Variants in CEPT1 observed in about 807,000 individuals in gnomAD.
The protein encoded by CEPT1 is choline/ethanolamine phosphotransferase 1.
In CEPT1, 7 loss-of-function variants were observed where a neutral mutation model predicts 42.6. That is an observed-to-expected ratio of 0.16 (90% CI 0.09 to 0.31). The LOEUF (loss-of-function observed/expected upper bound fraction) is 0.31. Ranked by LOEUF, CEPT1 falls within the 10% of genes least tolerant of loss-of-function variation. The pLI, the probability that CEPT1 is intolerant of heterozygous loss-of-function variation, is 1.00. For missense variants in CEPT1, 306 were observed against 502.1 expected, an observed-to-expected ratio of 0.61 and a Z score of 3.73; for synonymous variants, 171 against 171.9, an observed-to-expected ratio of 0.99 and a Z score of 0.04.
At chr1:111,182,120 ATAT>A in intron 5 of CEPT1, 64 bp from the exon 6 acceptor site, 1 of 1,302,960 alleles carries the variant, frequency 7.7e-7, no homozygotes, top group Non-Finnish European at 1.1e-6. Context: ...TATGAATCAA[ATAT>A]TAGACTGTTT....
At position 111,166,598 on chromosome 1, in the gene CEPT1, A is replaced by C. The variant is rs543025195; in HGVS notation, c.629+5302A>C. Among the ~76,000 whole-genome samples, 10 of 152,330 alleles carry C rather than the reference A, an allele frequency of 6.6e-5. No individual in the cohort carries two copies. In the East Asian group the frequency reaches 1.9e-3, roughly 29 times the overall value. ...ATTCTTTCCCACTTACCCTTTCCACATATATGCTAGTTTTTTTGAGATAGC... is the reference window on the plus strand; with the variant it reads ...ATTCTTTCCCACTTACCCTTTCCACCTATATGCTAGTTTTTTTGAGATAGC... On this transcript the variant is annotated intron_variant, in intron 4 of 8. Coordinates refer to ENST00000357172, the MANE Select transcript of CEPT1 (RefSeq NM_006090.5).
intron 2 of CEPT1, among the ~76,000 whole-genome samples, chr1:111,155,321 A>G (rs552219814): frequency 2.8e-4 from 42 of 151,890 alleles, no homozygotes; most frequent in Non-Finnish European, 2.1e-4. Context: ...TATCAGTTGT[A>G]ATGCCTCTTT....
intron 2 of CEPT1, among the ~76,000 whole-genome samples, chr1:111,149,177 G>T (rs1472734126): frequency 4.6e-5 from 7 of 151,298 alleles, no homozygotes; most frequent in African/African-American, 1.7e-4. Flanking sequence ...TATTTTCCAG[G>T]TTTTCATTTC....
chr1:111,169,505 C>T lies in CEPT1; in HGVS notation c.630-5374C>T, dbSNP rs1656312734. On this transcript the variant is annotated intron_variant, in intron 4 of 8. Coordinates refer to ENST00000357172, the MANE Select transcript of CEPT1 (RefSeq NM_006090.5). ...AACAAAGTACCCTATATTTATAGAG[C>T]CCTTTCTATTAAAATGTTTCTAAAA... Among the ~76,000 whole-genome samples the T allele has an allele frequency of 2.0e-5, 3 of 152,194 alleles. No homozygotes were observed. The South Asian group carries it at 6.2e-4, about 32-fold the overall frequency.
At chr1:111,180,402 C>G (rs1656912355) in intron 5 of CEPT1, 1 of 152,154 alleles carries the variant, frequency 6.6e-6, no homozygotes, top group Non-Finnish European at 1.5e-5. Flanking sequence ...GTTTATTGAA[C>G]AAGAGCAGAA....
chr1:111,153,748 T>G (rs1345627434), intron 2 of CEPT1, among the ~76,000 whole-genome samples: 1 of 152,196 alleles, frequency 6.6e-6, no homozygotes, highest in East Asian at 1.9e-4. Context: ...TCCTGGCATC[T>G]TTGTCAAAAA....
chr1:111,175,996 T>A (rs1656659183), intron 5 of CEPT1, among the ~76,000 whole-genome samples: 1 of 152,244 alleles, frequency 6.6e-6, no homozygotes, highest in Non-Finnish European at 1.5e-5. Flanking sequence ...TTCCCTTACC[T>A]AACTCACTTT....
At chr1:111,160,327 A>C (rs574658772) in intron 3 of CEPT1, 1 of 152,084 alleles carries the variant, frequency 6.6e-6, no homozygotes, top group African/African-American at 2.4e-5. Context: ...CCCCTCTTTT[A>C]TTTTTGTTTT....
At chr1:111,181,607 G>GTGAATGCCTTCTTAATTGCCT (rs1396930373) in intron 5 of CEPT1, 2 of 152,162 alleles carry the variant, frequency 1.3e-5, no homozygotes, top group African/African-American at 4.8e-5. Context: ...CTTCTGCATT[G>GTGAATGCCTTCTTAATTGCCT]TGAATGCCTT....
At chr1:111,157,480 T>C (rs1349810072) in intron 2 of CEPT1, among the ~76,000 whole-genome samples, 1 of 152,212 alleles carries the variant, frequency 6.6e-6, no homozygotes, top group Non-Finnish European at 1.5e-5. Flanking sequence ...TTTTATTTAA[T>C]ATTAATTAAT....
chr1:111,149,435 G>A (rs1655152475), intron 2 of CEPT1, among the ~76,000 whole-genome samples: 1 of 151,996 alleles, frequency 6.6e-6, no homozygotes, highest in African/African-American at 2.4e-5. Context: ...GCTAATTTTT[G>A]TATTTGTAGT....
chr1:111,142,746 T>G (rs1405848640), intron 1 of CEPT1, among the ~76,000 whole-genome samples: 1 of 152,226 alleles, frequency 6.6e-6, no homozygotes, highest in Non-Finnish European at 1.5e-5. Context: ...CAAGACAGGC[T>G]TGGCCCATGC....
At position 111,182,236 on chromosome 1, in the gene CEPT1, T is replaced by C; in HGVS notation, c.764T>C (p.Val255Ala). The change falls in exon 6 of 9, where the codon GTA (valine) becomes GCA (alanine). Residue 255 changes from valine (V) to alanine (A), a missense_variant. Physicochemically the swap from Val to Ala is moderately conservative, Grantham distance 64. Coordinates refer to ENST00000357172, the MANE Select transcript of CEPT1 (RefSeq NM_006090.5). ...AAAATTTTTCCTGCACTTTGTACTG[T>C]AGCAGGGACCATATTTTCCTGTACA... ...QMKIFPALCT[V>A]AGTIFSCTNY... The C allele has an allele frequency of 1.2e-6, 2 of 1,612,342 alleles. No homozygotes were observed. The highest frequency in any genetic ancestry group is 8.5e-7 in the Non-Finnish European group (1 of 1,178,702).
chr1:111,182,766 A>AAT, intron 6 of CEPT1, 33 bp from the exon 7 acceptor site: 1 of 1,579,180 alleles, frequency 6.3e-7, no homozygotes, highest in Non-Finnish European at 8.6e-7. Flanking sequence ...ATGAGTACTG[A>AAT]ATACTATTAA....
intron 2 of CEPT1, 108 bp downstream of exon 2, chr1:111,148,161 T>G: frequency 1.3e-6 from 1 of 789,926 alleles, no homozygotes; most frequent in Non-Finnish European, 2.1e-6. Context: ...AGCTGTCAAC[T>G]ATTTTAAAAT....
chr1:111,184,540 T>A lies in CEPT1; in HGVS notation c.*230T>A. ...ATGCAGGGTTTGGGCCAAGAAAGCA[T>A]GCAGAAAAAAATGCCATGTGATTGT... On this transcript the variant is annotated 3_prime_UTR_variant, in exon 9 of 9. Coordinates refer to ENST00000357172, the MANE Select transcript of CEPT1 (RefSeq NM_006090.5). 1 of 341,328 alleles carries A rather than the reference T, an allele frequency of 2.9e-6. No homozygotes were observed. Among genetic ancestry groups the A allele is most frequent in the African/African-American group, 2.1e-5 (1 of 46,944 alleles). 21.1% of individuals were successfully genotyped at this position (341,328 alleles called of 1,614,324 possible). A position where few individuals can be genotyped will look rare whatever the true frequency, so the allele number is the denominator to read the frequency against.
chr1:111,173,961 T>A (rs184425813), intron 4 of CEPT1, among the ~76,000 whole-genome samples: 268 of 152,266 alleles, frequency 1.8e-3, no homozygotes, highest in African/African-American at 5.9e-3. Context: ...GGAATTTTTT[T>A]AAATTATGCT....
intron 5 of CEPT1, chr1:111,181,084 A>G (rs1030403327): frequency 1.3e-5 from 2 of 152,200 alleles, no homozygotes; most frequent in African/African-American, 4.8e-5. Flanking sequence ...GAATCACTTC[A>G]ACCCGGGAAG....
chr1:111,164,548 A>G (rs1384670619), intron 4 of CEPT1, among the ~76,000 whole-genome samples: 4 of 152,162 alleles, frequency 2.6e-5, no homozygotes, highest in Non-Finnish European at 5.9e-5. Context: ...CTCCCATTAT[A>G]CTGAATGGGA....
Sources: allele counts gnomAD v4.1 joint callset (sites outside exome capture counted in the v4.1 genomes callset), GRCh38; gene constraint gnomAD v4.1.1; transcripts MANE v1.5; gene names NCBI Gene and HGNC (gene_info 2026-07-23, HGNC 2026-07-21).